The following PSG1 variants were observed in gnomAD, a reference collection of about 807,000 sequenced individuals.
PSG1 encodes pregnancy-specific beta-1-glycoprotein 1.
A neutral mutation model predicts 41.4 loss-of-function variants in PSG1; 60 were observed. That is an observed-to-expected ratio of 1.45 (90% CI 1.18 to 1.80). The LOEUF is 1.80. Ranked by LOEUF, PSG1 falls within the 40% of genes most tolerant of loss-of-function variation. PSG1 has a pLI of 0.00. For synonymous variants in PSG1, 256 were observed against 192.9 expected, an observed-to-expected ratio of 1.33 and a Z score of -2.71; for missense variants, 806 against 516.9, an observed-to-expected ratio of 1.56 and a Z score of -5.42.
At chr19:42,868,070 C>T (rs1971207702) in intron 5 of PSG1, 31 bp downstream of exon 5, 1 of 1,612,124 alleles carries the variant, frequency 6.2e-7, no homozygotes, top group Non-Finnish European at 8.5e-7. Flanking sequence ...CACCTAAAAC[C>T]CTATTGCCAA....
intron 5 of PSG1, 68 bp downstream of exon 5, chr19:42,868,033 A>G (rs2122487496): frequency 1.9e-6 from 3 of 1,611,190 alleles, no homozygotes; most frequent in Middle Eastern, 1.8e-4. Context: ...TGTTTTCCTG[A>G]CTCTTCTCTG....
At chr19:42,870,744 C>T (rs567854510) in intron 3 of PSG1, 1 of 151,612 alleles carries the variant, frequency 6.6e-6, no homozygotes, top group Non-Finnish European at 1.5e-5. Context: ...AATGAAATGT[C>T]TTTCCATATA....
rs371527082 is a variant in PSG1, at chr19:42,879,361, C to T, written c.64+157G>A. Among the ~76,000 whole-genome samples the T allele has an allele frequency of 5.9e-5, 9 of 151,368 alleles. No individual in the cohort carries two copies. The South Asian group carries it at 1.1e-3, about 18-fold the overall frequency. On this transcript the variant is annotated intron_variant, in intron 1 of 5. Coordinates refer to ENST00000436291, the MANE Select transcript of PSG1 (RefSeq NM_001184825.2). ...TACAGACAGGGCTTCACTGTGTTGG[C>T]CAGACTGATCTTGAACTTCTGATCT...
intron 2 of PSG1, among the ~76,000 whole-genome samples, chr19:42,872,390 C>T (rs1394295860): frequency 1.3e-5 from 2 of 151,654 alleles, no homozygotes; most frequent in Admixed American, 1.3e-4. Flanking sequence ...TCACTTGGAG[C>T]ATGCAGTGCT....
chr19:42,871,033 G>A (rs1971360567), intron 3 of PSG1, among the ~76,000 whole-genome samples: 1 of 151,522 alleles, frequency 6.6e-6, no homozygotes, highest in South Asian at 2.1e-4. Flanking sequence ...TTTGCAGAGG[G>A]CAGGTGGCTC....
At chr19:42,875,600 T>A (rs1971569690) in intron 2 of PSG1, among the ~76,000 whole-genome samples, 1 of 151,458 alleles carries the variant, frequency 6.6e-6, no homozygotes, top group Non-Finnish European at 1.5e-5. Context: ...AAACAGATCA[T>A]GTCCCCCTGC....
At chr19:42,873,489 C>CAAAAAAAA (rs1182579017) in intron 2 of PSG1, among the ~76,000 whole-genome samples, 1 of 151,268 alleles carries the variant, frequency 6.6e-6, no homozygotes, top group African/African-American at 2.4e-5. Flanking sequence ...ACTCTAGTAA[C>CAAAAAAAA]AAAAAAAATT....
chr19:42,877,410 T>A lies in PSG1; in HGVS notation c.430+503A>T, dbSNP rs560403889. 8.6e-5 allele frequency among the ~76,000 whole-genome samples: 13 copies of A among 151,718 alleles called. 1 individual carries two copies. The highest frequency in any genetic ancestry group is 6.3e-4 in the South Asian group (3 of 4,772). ...AACAGCTCCAGGAGACACAGTCCTC[T>A]GACAGCTGGTAAATCCTTGGTCCCA... is the stretch of plus-strand genomic sequence containing the variant. On this transcript the variant is annotated intron_variant, in intron 2 of 5. Transcript: ENST00000436291.
rs1368886834 is a variant in PSG1, at chr19:42,866,835, G to C, written c.*299C>G. Reference sequence around the variant, plus strand: ...AAGTGAAAGAGGCAGGCATGAGCAAGGACAGTTAAGAGGGGGGAGAGCCTC... The same window carrying C: ...AAGTGAAAGAGGCAGGCATGAGCAACGACAGTTAAGAGGGGGGAGAGCCTC... On this transcript the variant is annotated 3_prime_UTR_variant, in exon 6 of 6. Coordinates refer to ENST00000436291, the MANE Select transcript of PSG1 (RefSeq NM_001184825.2). The C allele has an allele frequency of 1.6e-6, 1 of 606,596 alleles. No individual in the cohort carries two copies. Among genetic ancestry groups the C allele is most frequent in the African/African-American group, 1.8e-5 (1 of 54,128 alleles). 37.6% of individuals were successfully genotyped at this position (606,596 alleles called of 1,614,324 possible). A position where few individuals can be genotyped will look rare whatever the true frequency, so the allele number is the denominator to read the frequency against.
At chr19:42,873,502 G>A (rs564669888) in intron 2 of PSG1, among the ~76,000 whole-genome samples, 2 of 151,662 alleles carry the variant, frequency 1.3e-5, no homozygotes, top group East Asian at 3.9e-4. Flanking sequence ...AAAAAATTTG[G>A]AGGAAACATT....
At position 42,866,639 on chromosome 19, in the gene PSG1, C is replaced by T; in HGVS notation, c.*495G>A. 3.8e-6 allele frequency: 1 copy of T among 260,472 alleles called. No homozygotes were observed. The highest frequency in any genetic ancestry group is 7.4e-6 in the Non-Finnish European group (1 of 134,708). The allele number at this position is 260,472 out of a possible 1,614,324, so 16.1% of individuals were successfully genotyped here. On this transcript the variant is annotated 3_prime_UTR_variant, in exon 6 of 6. Coordinates refer to ENST00000436291, the MANE Select transcript of PSG1 (RefSeq NM_001184825.2). The stretch of plus-strand genomic sequence containing the variant: ...ACCATCTTCTCTGCAAACACACAGG[C>T]AATATCTCTGTGTTCATTTCTATTG...
intron 2 of PSG1, among the ~76,000 whole-genome samples, chr19:42,875,609 G>A (rs4803550): frequency 2.6e-5 from 4 of 151,236 alleles, no homozygotes; most frequent in Admixed American, 2.0e-4. Context: ...ATGTCCCCCT[G>A]CCCCCATGAT....
At chr19:42,868,048 C>A (rs368435124) in intron 5 of PSG1, 53 bp downstream of exon 5, 1 of 1,611,906 alleles carries the variant, frequency 6.2e-7, no homozygotes, top group Non-Finnish European at 8.5e-7. Flanking sequence ...TCTCTGAATG[C>A]CAGATAGACT....
intron 2 of PSG1, chr19:42,876,619 G>A (rs1337623954): frequency 1.6e-5 from 5 of 319,858 alleles, no homozygotes; most frequent in South Asian, 6.3e-5. Context: ...AGAAAACAAG[G>A]TCCTCTCCTT....
rs1971155415 is a variant in PSG1, at chr19:42,866,826, C to T, written c.*308G>A. The T allele has an allele frequency of 5.1e-6, 3 of 592,060 alleles. No individual in the cohort carries two copies. The highest frequency in any genetic ancestry group is 9.1e-6 in the Non-Finnish European group (3 of 330,902). 36.7% of individuals were successfully genotyped at this position (592,060 alleles called of 1,614,324 possible). On this transcript the variant is annotated 3_prime_UTR_variant, in exon 6 of 6. Coordinates refer to ENST00000436291, the MANE Select transcript of PSG1 (RefSeq NM_001184825.2). ...TATCCTGCCAAGTGAAAGAGGCAGG[C>T]ATGAGCAAGGACAGTTAAGAGGGGG... is the stretch of plus-strand genomic sequence containing the variant.
At chr19:42,868,568 C>A (rs59502765) in intron 4 of PSG1, among the ~76,000 whole-genome samples, 188 bp downstream of exon 4, 19,142 of 150,596 alleles carry the variant, frequency 0.13, 1,589 homozygotes, top group Admixed American at 0.17. Flanking sequence ...AAGAGCATCC[C>A]CTCCCCTTAT....
intron 2 of PSG1, among the ~76,000 whole-genome samples, chr19:42,873,365 G>A (rs950474522): frequency 6.6e-6 from 1 of 151,676 alleles, no homozygotes; most frequent in Non-Finnish European, 1.5e-5. Flanking sequence ...GGTCAGAAGT[G>A]TTGAGTTTTG....
Position 42,875,263 on chromosome 19 carries a change from A to T in PSG1, c.430+2650T>A, listed in dbSNP as rs571301488. 4.7e-4 allele frequency among the ~76,000 whole-genome samples: 72 copies of T among 151,886 alleles called. 3 individuals carry two copies. Among genetic ancestry groups the T allele is most frequent in the Non-Finnish European group, 9.3e-4 (63 of 67,936 alleles). On this transcript the variant is annotated intron_variant, in intron 2 of 5. Transcript: ENST00000436291. ...GCAAGAATGATAATAGTTCCTCCAT[A>T]AAACTAACACCCTTACTTTGTCCAG...
Position 42,878,992 on chromosome 19 carries a change from A to G in PSG1, c.64+526T>C, listed in dbSNP as rs62113014. 1.1e-3 allele frequency among the ~76,000 whole-genome samples: 168 copies of G among 150,692 alleles called. 4 individuals are homozygous for G. The highest frequency in any genetic ancestry group is 3.5e-3 in the African/African-American group (145 of 41,020). ...AGTTATTATTATCATTTTTCAAAATATGGTGGCCCCTGATGATTAATCAGG... is the reference window on the plus strand; with the variant it reads ...AGTTATTATTATCATTTTTCAAAATGTGGTGGCCCCTGATGATTAATCAGG... On this transcript the variant is annotated intron_variant, in intron 1 of 5. Transcript: ENST00000436291.
Sources: gnomAD v4.1 joint callset for allele counts (sites outside exome capture counted in the v4.1 genomes callset) on GRCh38, gnomAD v4.1.1 for gene constraint, MANE v1.5 for transcripts, NCBI Gene and HGNC (gene_info 2026-07-23, HGNC 2026-07-21) for gene names.